Variants in PTPRD observed in about 807,000 individuals in gnomAD.
The protein encoded by PTPRD is receptor-type tyrosine-protein phosphatase delta.
PTPRD carries 34 observed loss-of-function variants against 214.5 expected under a neutral mutation model. The observed-to-expected ratio is 0.16, with a 90% CI of 0.12 to 0.21. The LOEUF is 0.21. Among genes scored for constraint, PTPRD ranks in the 10% least tolerant of loss-of-function variants. PTPRD has a pLI of 1.00. For missense variants in PTPRD, 2,545 were observed against 2,398.7 expected (o/e 1.06, Z -1.27); for synonymous variants, 1,128 against 845.7 (o/e 1.33, Z -5.79).
intron 14 of PTPRD, among the ~76,000 whole-genome samples, chr9:8,627,111 G>C (rs879583196): frequency 2.0e-5 from 3 of 151,704 alleles, no homozygotes; most frequent in Non-Finnish European, 2.9e-5. Context: ...CACTCTCACA[G>C]TGTATCATCC....
chr9:9,611,575 A>G (rs1209251233), intron 7 of PTPRD, among the ~76,000 whole-genome samples: 1 of 152,050 alleles, frequency 6.6e-6, no homozygotes, highest in Non-Finnish European at 1.5e-5. Flanking sequence ...CTATAAACAT[A>G]GTCATATATA....
At chr9:9,833,208 T>G (rs2055523905) in intron 5 of PTPRD, among the ~76,000 whole-genome samples, 1 of 152,044 alleles carries the variant, frequency 6.6e-6, no homozygotes, top group Non-Finnish European at 1.5e-5. Flanking sequence ...GGTTTTCTAT[T>G]TTCCAAAGCG....
intron 14 of PTPRD, among the ~76,000 whole-genome samples, chr9:8,598,666 C>T (rs981655764): frequency 6.6e-6 from 1 of 152,086 alleles, no homozygotes. Context: ...ATCAAATGTA[C>T]AATGCTGCTT....
At chr9:10,575,742 T>C (rs1373558238) in intron 2 of PTPRD, among the ~76,000 whole-genome samples, 3 of 152,104 alleles carry the variant, frequency 2.0e-5, no homozygotes, top group East Asian at 3.9e-4. Context: ...TATTTTCTTT[T>C]CTAGCTCCAG....
Position 8,942,206 on chromosome 9 carries a change from C to CT in PTPRD, c.-104+76490dup, listed in dbSNP as rs201556413. Among the ~76,000 whole-genome samples, 62 of 151,982 alleles carry CT rather than the reference C, an allele frequency of 4.1e-4. No individual in the cohort carries two copies. In the South Asian group the frequency reaches 6.0e-3, roughly 15 times the overall value. On this transcript the variant is annotated intron_variant, in intron 11 of 45. Transcript: ENST00000381196. ...ACCCATTGCCAGCAACTATTTTTTT[C>CT]TTTTTTTTGCCCCCCTGTCTATCAT...
intron 41 of PTPRD, among the ~76,000 whole-genome samples, chr9:8,340,888 G>A (rs1014679392): frequency 1.3e-5 from 2 of 152,070 alleles, no homozygotes; most frequent in Non-Finnish European, 2.9e-5. Context: ...AAAGAAGAGT[G>A]CAGAAGGCCA....
chr9:10,418,498 C>CACACACA (rs879881642), intron 2 of PTPRD, among the ~76,000 whole-genome samples: 2 of 141,506 alleles, frequency 1.4e-5, no homozygotes, highest in African/African-American at 5.3e-5. Context: ...CACACACACA[C>CACACACA]TTCATATCCT....
At chr9:9,800,076 T>G (rs113156890) in intron 5 of PTPRD, among the ~76,000 whole-genome samples, 13 of 152,332 alleles carry the variant, frequency 8.5e-5, no homozygotes, top group African/African-American at 2.9e-4. Flanking sequence ...CGAAGAGATT[T>G]CTGTCAAAAT....
At chr9:9,724,977 T>C (rs1021110848) in intron 7 of PTPRD, among the ~76,000 whole-genome samples, 1 of 152,142 alleles carries the variant, frequency 6.6e-6, no homozygotes, top group African/African-American at 2.4e-5. Flanking sequence ...GTTTATTTGG[T>C]GTCCCTTCCT....
At chr9:9,465,060 G>A (rs2094019858) in intron 8 of PTPRD, among the ~76,000 whole-genome samples, 1 of 152,118 alleles carries the variant, frequency 6.6e-6, no homozygotes, top group Non-Finnish European at 1.5e-5. Flanking sequence ...AAATATTACT[G>A]GCTACAGAGA....
In PTPRD at chr9:8,636,944, T is replaced by A. The variant is rs377634019; in HGVS notation, c.65-100A>T. Reference sequence around the variant, plus strand: ...CCCACCATCCTCAACCACACCGCCATCAAGACATACATTTTTACAATGCAC... The same window carrying A: ...CCCACCATCCTCAACCACACCGCCAACAAGACATACATTTTTACAATGCAC... On this transcript the variant is annotated intron_variant, in intron 12 of 45. Coordinates refer to ENST00000381196, the MANE Select transcript of PTPRD (RefSeq NM_002839.4). 77 of 1,176,358 alleles carry A rather than the reference T, an allele frequency of 6.5e-5. No homozygotes were observed. In the South Asian group the frequency reaches 1.1e-3, roughly 16 times the overall value. The allele number at this position is 1,176,358 out of a possible 1,614,324, so 72.9% of individuals were successfully genotyped here.
chr9:9,866,220 A>G (rs2063910879), intron 5 of PTPRD, among the ~76,000 whole-genome samples: 1 of 152,224 alleles, frequency 6.6e-6, no homozygotes, highest in East Asian at 1.9e-4. Context: ...TACACACTTT[A>G]GAATCTGCTA....
intron 11 of PTPRD, among the ~76,000 whole-genome samples, chr9:8,822,300 G>A (rs898410385): frequency 7.9e-5 from 12 of 152,100 alleles, no homozygotes; most frequent in African/African-American, 2.9e-4. Flanking sequence ...CTTAGAAAGG[G>A]CTCTAGTACC....
At chr9:8,561,528 G>A (rs2141279137) in intron 14 of PTPRD, among the ~76,000 whole-genome samples, 1 of 152,222 alleles carries the variant, frequency 6.6e-6, no homozygotes, top group East Asian at 1.9e-4. Context: ...CTCAGCCATG[G>A]GCCAAGCCGG....
At chr9:9,961,199 T>G (rs2094340334) in intron 4 of PTPRD, among the ~76,000 whole-genome samples, 1 of 152,052 alleles carries the variant, frequency 6.6e-6, no homozygotes, top group African/African-American at 2.4e-5. Context: ...CACAAGCAGA[T>G]ACATACTCTT....
At chr9:10,162,826 G>A (rs902993752) in intron 3 of PTPRD, among the ~76,000 whole-genome samples, 1 of 149,464 alleles carries the variant, frequency 6.7e-6, no homozygotes, top group African/African-American at 2.4e-5. Flanking sequence ...ATTAAGCTAT[G>A]TTACACACAA....
chr9:8,634,094 G>C (rs971995102), intron 13 of PTPRD, among the ~76,000 whole-genome samples: 7 of 151,958 alleles, frequency 4.6e-5, no homozygotes, highest in African/African-American at 1.4e-4. Flanking sequence ...GAGCATTCTT[G>C]CTGTAAAATG....
chr9:9,740,057 C>G (rs945196309), intron 6 of PTPRD, among the ~76,000 whole-genome samples: 1 of 152,130 alleles, frequency 6.6e-6, no homozygotes, highest in African/African-American at 2.4e-5. Context: ...TGTATTGAAA[C>G]TTGCCTTATG....
At chr9:8,878,886 A>G (rs2098418295) in intron 11 of PTPRD, among the ~76,000 whole-genome samples, 2 of 152,176 alleles carry the variant, frequency 1.3e-5, no homozygotes, top group Non-Finnish European at 2.9e-5. Flanking sequence ...GCATAGCATA[A>G]GAAAGAATGG....
Sources: allele counts gnomAD v4.1 joint callset (sites outside exome capture counted in the v4.1 genomes callset), GRCh38; gene constraint gnomAD v4.1.1; transcripts MANE v1.5; gene names NCBI Gene and HGNC (gene_info 2026-07-23, HGNC 2026-07-21).